Variants in SHANK1 observed in about 807,000 individuals in gnomAD.
SHANK1 encodes SH3 and multiple ankyrin repeat domains 1.
A neutral mutation model predicts 165.6 loss-of-function variants in SHANK1; 35 were observed. The observed-to-expected ratio is 0.21, with a 90% CI of 0.16 to 0.28. The LOEUF (loss-of-function observed/expected upper bound fraction) is 0.28. Ranked by LOEUF, SHANK1 falls within the 10% of genes least tolerant of loss-of-function variation. The pLI is 1.00. For missense variants in SHANK1, 2,681 were observed against 3,036.4 expected, an observed-to-expected ratio of 0.88 and a Z score of 2.75; for synonymous variants, 1,428 against 1,384.8, an observed-to-expected ratio of 1.03 and a Z score of -0.69.
chr19:50,686,419 C>T lies in SHANK1; in HGVS notation c.2459-64G>A. 1.6e-6 allele frequency: 2 copies of T among 1,220,520 alleles called. No homozygotes were observed. The highest frequency in any genetic ancestry group is 2.3e-6 in the Non-Finnish European group (2 of 858,092). The allele number at this position is 1,220,520 out of a possible 1,614,324, so 75.6% of individuals were successfully genotyped here. On this transcript the variant is annotated intron_variant, in intron 20 of 23. Coordinates refer to ENST00000293441, the MANE Select transcript of SHANK1 (RefSeq NM_016148.5). This position sits in a 1 kb window ranked among gnomAD's most constrained non-coding sequence, Gnocchi z 5.7. The stretch of plus-strand genomic sequence containing the variant: ...AAATGAAGTTTGCTTTGACCCGGGC[C>T]GCAAAGACCAGAGCTGCCGCCCGCA...
intron 15 of SHANK1, among the ~76,000 whole-genome samples, chr19:50,694,019 CCACACACACACACACACACACA>C (rs398034977): frequency 0.017 from 2,390 of 138,686 alleles, 32 homozygotes; most frequent in Admixed American, 0.025. Context: ...CCAGCACACA[CCACACACACACACACACACACA>C]CACACACACA....
rs1470129501 is a variant in SHANK1, at chr19:50,666,402, C to G, written c.5558G>C (p.Gly1853Ala). 1 of 1,612,930 alleles carries G rather than the reference C, an allele frequency of 6.2e-7. No homozygotes were observed. The highest frequency in any genetic ancestry group is 1.1e-5 in the South Asian group (1 of 91,020). ...GPGPPPPPLP[G>A]PLAQPQASAL... ...TGAGGCCTGAGGCTGGGCCAAGGGC[C>G]CGGGCAGAGGTGGTGGCGGTGGGCC... The change falls in exon 23 of 24, where the codon GGG (glycine) becomes GCG (alanine). Residue 1853 changes from glycine to alanine, a missense_variant. Physicochemically the swap from Gly to Ala is moderately conservative, Grantham distance 60. Coordinates refer to ENST00000293441, the MANE Select transcript of SHANK1 (RefSeq NM_016148.5).
chr19:50,687,742 G>T (rs149315888), intron 18 of SHANK1, 80 bp from the exon 19 acceptor site: 5 of 1,380,622 alleles, frequency 3.6e-6, no homozygotes, highest in Non-Finnish European at 3.9e-6. Flanking sequence ...GGCTCCCAGG[G>T]CTCAGAGAAT....
chr19:50,687,401 G>A (rs569207386), intron 19 of SHANK1, among the ~76,000 whole-genome samples, 181 bp downstream of exon 19: 15 of 152,166 alleles, frequency 9.9e-5, no homozygotes, highest in Admixed American at 8.5e-4. Flanking sequence ...GAGGAAAGTC[G>A]TCTCTCAGAC....
chr19:50,688,139 C>G lies in SHANK1; in HGVS notation c.2173-81G>C. On this transcript the variant is annotated intron_variant, in intron 17 of 23. Transcript: ENST00000293441. This position sits in a 1 kb window ranked among gnomAD's most constrained non-coding sequence, Gnocchi z 6.7. Reference sequence around the variant, plus strand: ...AGCTTCAGAGACCCCAAGGAGGATGCCTCCTGCGCTGCCCTGTCCATGGCC... The same window carrying G: ...AGCTTCAGAGACCCCAAGGAGGATGGCTCCTGCGCTGCCCTGTCCATGGCC... 1.3e-6 allele frequency: 2 copies of G among 1,538,242 alleles called. No individual in the cohort carries two copies. The highest frequency in any genetic ancestry group is 1.8e-6 in the Non-Finnish European group (2 of 1,124,730).
intron 4 of SHANK1, among the ~76,000 whole-genome samples, chr19:50,715,353 G>C (rs1329063371): frequency 1.3e-5 from 2 of 152,014 alleles, no homozygotes; most frequent in African/African-American, 4.8e-5. Flanking sequence ...GGATGGATAT[G>C]GGGGGAGGCA....
intron 22 of SHANK1, among the ~76,000 whole-genome samples, chr19:50,669,529 A>C (rs4802723): frequency 6.6e-6 from 1 of 151,930 alleles, no homozygotes; most frequent in South Asian, 2.1e-4. Context: ...GAAATTCAGC[A>C]GAACTTCCTC....
chr19:50,704,266 G>A, intron 9 of SHANK1, 80 bp from the exon 10 acceptor site: 1 of 1,470,326 alleles, frequency 6.8e-7, no homozygotes, highest in East Asian at 2.3e-5. Context: ...CGAGGTCCCT[G>A]GCCCGACCCA....
At chr19:50,701,666 G>A (rs1986919363) in intron 12 of SHANK1, among the ~76,000 whole-genome samples, 1 of 152,142 alleles carries the variant, frequency 6.6e-6, no homozygotes, top group African/African-American at 2.4e-5. Flanking sequence ...GTCTGGATTT[G>A]AACCCAGGCT....
intron 15 of SHANK1, among the ~76,000 whole-genome samples, chr19:50,695,552 C>T (rs908769930): frequency 2.0e-5 from 3 of 151,806 alleles, no homozygotes; most frequent in African/African-American, 7.3e-5. Flanking sequence ...AGAGCCCTCC[C>T]GCGCAGGTGC....
Position 50,662,455 on chromosome 19 carries a change from G to A in SHANK1, c.5996C>T (p.Pro1999Leu). ...CGAGGCGGGCAGCAGCGAGGGGCTG[G>A]GGGCCCGGCGGAGCAGAGGGGGCCG... ...EMRPPLLRRA[P>L]SPSLLPASEH... Residue 1999 changes from proline to leucine, a missense_variant, in exon 24 of 24, where the codon CCC becomes CTC. Transcript: ENST00000293441. The surrounding 1 kb of genome is among the most constrained non-coding windows in gnomAD (Gnocchi z 7.7). 6.5e-7 allele frequency: 1 copy of A among 1,548,704 alleles called. No homozygotes were observed. Among genetic ancestry groups the A allele is most frequent in the Non-Finnish European group, 8.7e-7 (1 of 1,147,394 alleles).
intron 15 of SHANK1, among the ~76,000 whole-genome samples, chr19:50,692,153 C>T (rs1382502957): frequency 6.6e-6 from 1 of 152,038 alleles, no homozygotes; most frequent in Non-Finnish European, 1.5e-5. Context: ...CACATATATC[C>T]ATCTGCTCGG....
intron 21 of SHANK1, among the ~76,000 whole-genome samples, chr19:50,679,415 AC>A (rs1314721240): frequency 6.6e-6 from 1 of 152,102 alleles, no homozygotes; most frequent in Non-Finnish European, 1.5e-5. Context: ...GGTCAGGGTG[AC>A]AGGAGAGATG....
At chr19:50,704,047 C>T in intron 10 of SHANK1, 73 bp downstream of exon 10, 3 of 1,490,972 alleles carry the variant, frequency 2.0e-6, no homozygotes, top group East Asian at 2.3e-5. Flanking sequence ...TCAGGTCCCC[C>T]AACTCCCCCA....
chr19:50,694,993 C>T (rs1304931856), intron 15 of SHANK1, among the ~76,000 whole-genome samples: 1 of 149,148 alleles, frequency 6.7e-6, no homozygotes, highest in African/African-American at 2.4e-5. Flanking sequence ...GGAGCTCCCA[C>T]CGGGGCCGCC....
chr19:50,709,777 C>T (rs1255821464), intron 8 of SHANK1, among the ~76,000 whole-genome samples: 2 of 152,118 alleles, frequency 1.3e-5, no homozygotes, highest in Non-Finnish European at 2.9e-5. Context: ...TCTCGAACTC[C>T]TGGGCTCAAG....
Position 50,698,252 on chromosome 19 carries a change from G to T in SHANK1, c.1748-296C>A, listed in dbSNP as rs116331184. 9.5e-3 allele frequency among the ~76,000 whole-genome samples: 1,452 copies of T among 152,192 alleles called. 25 individuals are homozygous for T. The highest frequency in any genetic ancestry group is 0.033 in the African/African-American group (1,379 of 41,508). On this transcript the variant is annotated intron_variant, in intron 12 of 23. Transcript: ENST00000293441. ...TTGGTCCTTGTCTCCCCTGGTAACT[G>T]GTCACAGCTCAGTTGTGTAATTCCC...
chr19:50,695,997 G>A (rs1028297331), intron 15 of SHANK1, among the ~76,000 whole-genome samples: 3 of 152,208 alleles, frequency 2.0e-5, no homozygotes, highest in African/African-American at 7.2e-5. Context: ...CCAGGCCAGC[G>A]CAGACAGGGT....
At position 50,662,699 on chromosome 19, in the gene SHANK1, G is replaced by A. The variant is rs773633504; in HGVS notation, c.5769-17C>T. ...TCGGAGAGTCTGGAATGTGACAAGG[G>A]GGCAGTGGGGGAGGACAGGGATTTA... On this transcript the variant is annotated splice_polypyrimidine_tract_variant and intron_variant, in intron 23 of 23. Coordinates refer to ENST00000293441, the MANE Select transcript of SHANK1 (RefSeq NM_016148.5). The surrounding 1 kb of genome is among the most constrained non-coding windows in gnomAD (Gnocchi z 7.7). 2 of 1,557,268 alleles carry A rather than the reference G, an allele frequency of 1.3e-6. No homozygotes were observed. Among genetic ancestry groups the A allele is most frequent in the South Asian group, 1.2e-5 (1 of 84,424 alleles).
Sources: gnomAD v4.1 joint callset for allele counts (sites outside exome capture counted in the v4.1 genomes callset) on GRCh38, gnomAD v4.1.1 for gene constraint, Gnocchi (gnomAD v3.1) non-coding constraint, MANE v1.5 for transcripts, NCBI Gene and HGNC (gene_info 2026-07-23, HGNC 2026-07-21) for gene names.